TMC1: variants seen among roughly 807,000 people sequenced by gnomAD.
The protein encoded by TMC1 is transmembrane channel-like protein 1.
A neutral mutation model predicts 105.8 loss-of-function variants in TMC1; 84 were observed. The observed-to-expected ratio is 0.79, with a 90% confidence interval of 0.67 to 0.95. The LOEUF is 0.95. Among genes scored for constraint, TMC1 ranks in the 40% least tolerant of loss-of-function variants. TMC1 has a pLI of 0.00. For synonymous variants in TMC1, 315 were observed against 311.5 expected (o/e 1.01, Z -0.12); for missense variants, 817 against 914.1 (o/e 0.89, Z 1.37).
At chr9:72,646,179 T>C (rs1825708166) in intron 4 of TMC1, among the ~76,000 whole-genome samples, 1 of 152,188 alleles carries the variant, frequency 6.6e-6, no homozygotes, top group Non-Finnish European at 1.5e-5. Context: ...CTGATGATCA[T>C]ATTTTGCAAT....
At position 72,820,908 on chromosome 9, in the gene TMC1, C is replaced by T; in HGVS notation, c.1830C>T (p.Tyr610=). Residue 610 remains tyrosine (Y), a synonymous_variant, in exon 20 of 24, where the codon TAC becomes TAT. Coordinates refer to ENST00000297784, the MANE Select transcript of TMC1 (RefSeq NM_138691.3). ...INILRLHTSM[Y]FQCWAVMCCN... Reference sequence around the variant, plus strand: ...TCCTTCGACTCCATACATCCATGTACTTCCAGTGCTGGGCCGTTATGTGCT... The same window carrying T: ...TCCTTCGACTCCATACATCCATGTATTTCCAGTGCTGGGCCGTTATGTGCT... The T allele has an allele frequency of 6.2e-7, 1 of 1,614,220 alleles. No individual in the cohort carries two copies. Among genetic ancestry groups the T allele is most frequent in the Non-Finnish European group, 8.5e-7 (1 of 1,180,040 alleles).
chr9:72,542,817 T>A (rs1241951837), intron 1 of TMC1, among the ~76,000 whole-genome samples: 1 of 151,816 alleles, frequency 6.6e-6, no homozygotes, highest in Non-Finnish European at 1.5e-5. Context: ...GTAGGTGGGA[T>A]TACAGGTGCC....
chr9:72,745,449 G>T (rs1461449076), intron 10 of TMC1, among the ~76,000 whole-genome samples: 1 of 152,090 alleles, frequency 6.6e-6, no homozygotes, highest in East Asian at 1.9e-4. Context: ...CCGATGGCAG[G>T]ATGAGTAGTT....
At chr9:72,803,203 C>A (rs941273574) in intron 17 of TMC1, among the ~76,000 whole-genome samples, 1 of 152,062 alleles carries the variant, frequency 6.6e-6, no homozygotes, top group Non-Finnish European at 1.5e-5. Context: ...AATGGGACCC[C>A]GTCTATACAC....
chr9:72,666,487 C>T (rs1826044546), intron 5 of TMC1, among the ~76,000 whole-genome samples: 1 of 152,082 alleles, frequency 6.6e-6, no homozygotes, highest in East Asian at 1.9e-4. Context: ...CCTATACTAA[C>T]CAAAAGGCCC....
chr9:72,600,069 A>G (rs1393057493), intron 2 of TMC1, among the ~76,000 whole-genome samples: 4 of 152,154 alleles, frequency 2.6e-5, no homozygotes, highest in Non-Finnish European at 5.9e-5. Context: ...GCCATGTAGT[A>G]GGTCGACGGG....
At chr9:72,798,732 G>A (rs1828416299) in intron 17 of TMC1, among the ~76,000 whole-genome samples, 1 of 151,892 alleles carries the variant, frequency 6.6e-6, no homozygotes, top group Admixed American at 6.6e-5. Flanking sequence ...TAACTATTGG[G>A]TACTGGGTTT....
At chr9:72,775,383 C>T (rs13299110) in intron 13 of TMC1, among the ~76,000 whole-genome samples, 19 of 151,824 alleles carry the variant, frequency 1.3e-4, no homozygotes, top group Non-Finnish European at 2.6e-4. Context: ...CATAAAGTTA[C>T]ACAACATGGA....
At chr9:72,830,738 C>CTTT (rs71495342) in intron 23 of TMC1, 56 bp downstream of exon 23, 1,099 of 1,147,234 alleles carry the variant, frequency 9.6e-4, no homozygotes, top group Non-Finnish European at 1.1e-3. Flanking sequence ...CTTTTTCTTT[C>CTTT]TTTTTTTTTT....
chr9:72,798,125 A>G lies in TMC1; in HGVS notation c.1566+5773A>G, dbSNP rs143812735. Among the ~76,000 whole-genome samples the G allele has an allele frequency of 4.1e-3, 617 of 152,324 alleles. 4 individuals are homozygous for G. Among genetic ancestry groups the G allele is most frequent in the African/African-American group, 0.014 (582 of 41,574 alleles). ...ACAAGCATGTGAAATAAAACTTCAT[A>G]TCACTGATCATTAGAGAAATGCAAA... On this transcript the variant is annotated intron_variant, in intron 17 of 23. Transcript: ENST00000297784.
At chr9:72,740,066 T>C in intron 8 of TMC1, 53 bp from the exon 9 acceptor site, 2 of 1,379,850 alleles carry the variant, frequency 1.4e-6, no homozygotes, top group Non-Finnish European at 2.1e-6. Flanking sequence ...TTCTGTATTC[T>C]AGTCATTGCA....
chr9:72,603,777 T>A (rs1824861908), intron 2 of TMC1, among the ~76,000 whole-genome samples: 1 of 151,146 alleles, frequency 6.6e-6, no homozygotes, highest in African/African-American at 2.4e-5. Flanking sequence ...CTTGACTTCC[T>A]GACCTCGTGA....
At chr9:72,545,916 T>C (rs777714415) in intron 1 of TMC1, among the ~76,000 whole-genome samples, 2 of 151,624 alleles carry the variant, frequency 1.3e-5, no homozygotes, top group Non-Finnish European at 2.9e-5. Flanking sequence ...GGCTTTCAAA[T>C]GTCATCGCTC....
chr9:72,532,156 C>G (rs1253517803), intron 1 of TMC1, among the ~76,000 whole-genome samples: 2 of 151,894 alleles, frequency 1.3e-5, no homozygotes, highest in Non-Finnish European at 2.9e-5. Flanking sequence ...ATCTTGAACT[C>G]CTAACCTCAG....
chr9:72,819,273 C>CTATTCA (rs1828834499), intron 19 of TMC1, among the ~76,000 whole-genome samples: 1 of 152,214 alleles, frequency 6.6e-6, no homozygotes, highest in Non-Finnish European at 1.5e-5. Flanking sequence ...GACCTAATTT[C>CTATTCA]TATTCATACT....
intron 8 of TMC1, among the ~76,000 whole-genome samples, chr9:72,724,500 A>G (rs1827083094): frequency 6.6e-6 from 1 of 152,228 alleles, no homozygotes; most frequent in African/African-American, 2.4e-5. Context: ...TTTCCAATAC[A>G]TAAACTTTAG....
At chr9:72,607,467 A>G (rs1824941500) in intron 2 of TMC1, among the ~76,000 whole-genome samples, 1 of 151,846 alleles carries the variant, frequency 6.6e-6, no homozygotes, top group Non-Finnish European at 1.5e-5. Context: ...AAAATACAAA[A>G]AATTAGCTGG....
chr9:72,677,854 C>G (rs749541848), intron 5 of TMC1, among the ~76,000 whole-genome samples: 2 of 152,144 alleles, frequency 1.3e-5, no homozygotes, highest in Non-Finnish European at 2.9e-5. Context: ...CGTGTTAACA[C>G]TCTGAACAAG....
At chr9:72,675,909 C>A (rs1220877919) in intron 5 of TMC1, among the ~76,000 whole-genome samples, 1 of 149,378 alleles carries the variant, frequency 6.7e-6, no homozygotes, top group Non-Finnish European at 1.5e-5. Context: ...AATCTAGGCT[C>A]CATTGACTCT....
Sources: allele counts gnomAD v4.1 joint callset (sites outside exome capture counted in the v4.1 genomes callset), GRCh38; gene constraint gnomAD v4.1.1; transcripts MANE v1.5; gene names NCBI Gene and HGNC (gene_info 2026-07-23, HGNC 2026-07-21).